The following OPRPN variants were observed in gnomAD, a reference collection of about 807,000 sequenced individuals.
OPRPN encodes the protein basic proline-rich lacrimal protein.
Under a neutral mutation model 2.2 loss-of-function variants are expected in OPRPN, and 1 was observed. The observed-to-expected ratio is 0.45, with a 90% CI of 0.16 to 2.15. OPRPN has a LOEUF of 2.15. Among genes scored for constraint, OPRPN ranks in the 30% most tolerant of loss-of-function variants. The probability of loss-of-function intolerance (pLI) is 0.28; values close to 1 mark genes in which losing one functional copy is unlikely to be tolerated. For synonymous variants in OPRPN, 126 were observed against 111.5 expected, an observed-to-expected ratio of 1.13 and a Z score of -0.82; for missense variants, 306 against 297.3, an observed-to-expected ratio of 1.03 and a Z score of -0.21.
In OPRPN at chr4:70,399,284, GA is replaced by G; in HGVS notation, c.1del. ...GCCTGTTTGTAGGAGCAACTTTAAAGAATGAAATTAACTTTCTTCTTGGGCC... is the reference window on the plus strand; with the variant it reads ...GCCTGTTTGTAGGAGCAACTTTAAAGATGAAATTAACTTTCTTCTTGGGCC... On this transcript the variant is annotated 5_prime_UTR_variant, in exon 2 of 3. Coordinates refer to ENST00000399575, the MANE Select transcript of OPRPN (RefSeq NM_021225.5). 6.2e-7 allele frequency: 1 copy of G among 1,601,498 alleles called. No individual in the cohort carries two copies. The highest frequency in any genetic ancestry group is 8.5e-7 in the Non-Finnish European group (1 of 1,170,518).
At chr4:70,409,351 G>T in intron 2 of OPRPN, 29 bp from the exon 3 acceptor site, 1 of 1,531,916 alleles carries the variant, frequency 6.5e-7, no homozygotes, top group Non-Finnish European at 8.8e-7. Context: ...TAGAAATTTT[G>T]TTTTTTACCT....
intron 2 of OPRPN, among the ~76,000 whole-genome samples, chr4:70,408,374 C>T (rs564919044): frequency 3.3e-5 from 5 of 152,302 alleles, no homozygotes; most frequent in East Asian, 1.9e-4. Flanking sequence ...TCTTCCTCCT[C>T]ATTTCTACCC....
chr4:70,409,479 C>T lies in OPRPN; in HGVS notation c.151C>T (p.Pro51Ser). 1 of 1,614,022 alleles carries T rather than the reference C, an allele frequency of 6.2e-7. No individual in the cohort carries two copies. The highest frequency in any genetic ancestry group is 8.5e-7 in the Non-Finnish European group (1 of 1,179,914). The change falls in exon 3 of 3, where the codon CCT becomes TCT. Residue 51 changes from proline to serine, a missense_variant. Transcript: ENST00000399575. Reference sequence around the variant, plus strand: ...AAGATGGGTTCCACCAAGTCCCCCACCTCCCTATGACTCAAGACTTAATTC... The same window carrying T: ...AAGATGGGTTCCACCAAGTCCCCCATCTCCCTATGACTCAAGACTTAATTC... ...RPRWVPPSPP[P>S]PYDSRLNSPL...
chr4:70,406,898 C>T (rs193007092), intron 2 of OPRPN, among the ~76,000 whole-genome samples: 84 of 152,112 alleles, frequency 5.5e-4, no homozygotes, highest in Admixed American at 4.6e-3. Flanking sequence ...ACATGCCTGG[C>T]CAGGTTCTCA....
Position 70,409,574 on chromosome 4 carries a change from C to T in OPRPN, c.246C>T (p.Val82=), listed in dbSNP as rs1432135878. 1.9e-6 allele frequency: 3 copies of T among 1,613,794 alleles called. No homozygotes were observed. The highest frequency in any genetic ancestry group is 2.5e-6 in the Non-Finnish European group (3 of 1,179,726). Residue 82 remains valine (V), a synonymous_variant, in exon 3 of 3, where the codon GTC becomes GTT. Transcript: ENST00000399575. The part of the protein sequence containing the change: ...PSSFSRFSQA[V]ILSQLFPLES... ...CTTTCTCTCGATTTAGCCAAGCAGT[C>T]ATTCTATCTCAACTCTTTCCATTGG...
intron 2 of OPRPN, among the ~76,000 whole-genome samples, chr4:70,402,535 C>T (rs1412067163): frequency 1.3e-5 from 2 of 151,996 alleles, no homozygotes; most frequent in Non-Finnish European, 1.5e-5. Context: ...TTGCCAGGCA[C>T]TATTCTAGAT....
chr4:70,399,135 A>C (rs1732919501), intron 1 of OPRPN, 136 bp from the exon 2 acceptor site: 1 of 529,518 alleles, frequency 1.9e-6, no homozygotes, highest in Non-Finnish European at 3.3e-6. Flanking sequence ...CAAAATATCA[A>C]ACACATCTTT....
At chr4:70,400,897 G>A (rs1732970823) in intron 2 of OPRPN, among the ~76,000 whole-genome samples, 1 of 151,944 alleles carries the variant, frequency 6.6e-6, no homozygotes, top group South Asian at 2.1e-4. Flanking sequence ...GGTAAAGAAA[G>A]ATCCATGATC....
chr4:70,401,902 T>C (rs1029649585), intron 2 of OPRPN, among the ~76,000 whole-genome samples: 2 of 152,126 alleles, frequency 1.3e-5, no homozygotes, highest in African/African-American at 4.8e-5. Flanking sequence ...TCCACTAAAC[T>C]GCTGTCAGCT....
At chr4:70,408,353 C>G (rs1192241040) in intron 2 of OPRPN, among the ~76,000 whole-genome samples, 2 of 152,248 alleles carry the variant, frequency 1.3e-5, no homozygotes, top group South Asian at 4.1e-4. Flanking sequence ...TGATATTATC[C>G]TAATTTGGCT....
In OPRPN at chr4:70,409,850, G is replaced by A. The variant is rs749815072; in HGVS notation, c.522G>A (p.Thr174=). 1.3e-5 allele frequency: 21 copies of A among 1,611,904 alleles called. No individual in the cohort carries two copies. In the Admixed American group the frequency reaches 3.0e-4, roughly 23 times the overall value. The part of the protein sequence containing the change: ...TTSTSTKPTM[T]ISSSTVPISS... ...GCACTTCCACAAAACCCACAATGAC[G>A]ATCAGCTCCTCAACAGTACCTATCT... Residue 174 remains threonine, a synonymous_variant, in exon 3 of 3, where the codon ACG becomes ACA. Transcript: ENST00000399575.
chr4:70,409,460 G>C lies in OPRPN; in HGVS notation c.132G>C (p.Trp44Cys). Residue 44 changes from tryptophan to cysteine, a missense_variant, in exon 3 of 3, where the codon TGG (tryptophan) becomes TGC (cysteine). By Grantham distance (215) the Trp-to-Cys change is radical. Transcript: ENST00000399575. ...LPPPPLYRPR[W>C]VPPSPPPPYD... Reference sequence around the variant, plus strand: ...CACCTCCACTCTACAGGCCAAGATGGGTTCCACCAAGTCCCCCACCTCCCT... The same window carrying C: ...CACCTCCACTCTACAGGCCAAGATGCGTTCCACCAAGTCCCCCACCTCCCT... The C allele has an allele frequency of 6.2e-7, 1 of 1,613,942 alleles. No individual in the cohort carries two copies. Among genetic ancestry groups the C allele is most frequent in the Non-Finnish European group, 8.5e-7 (1 of 1,179,968 alleles).
chr4:70,408,917 AAAG>A, intron 2 of OPRPN, among the ~76,000 whole-genome samples: 1 of 152,314 alleles, frequency 6.6e-6, no homozygotes, highest in South Asian at 2.1e-4. Flanking sequence ...TTGTCCCTAG[AAAG>A]AAGTGTTGCA....
Position 70,409,871 on chromosome 4 carries a change from T to C in OPRPN, c.543T>C (p.Pro181=), listed in dbSNP as rs76971467. The change falls in exon 3 of 3, where the codon CCT becomes CCC. Residue 181 remains proline (P), a synonymous_variant. Coordinates refer to ENST00000399575, the MANE Select transcript of OPRPN (RefSeq NM_021225.5). ...PTMTISSSTV[P]ISSTPEPATS... ...TGACGATCAGCTCCTCAACAGTACC[T>C]ATCTCTTCAACACCAGAGCCTGCCA... 6,367 of 1,613,414 alleles carry C rather than the reference T, an allele frequency of 3.9e-3. 45 individuals carry two copies. The highest frequency in any genetic ancestry group is 0.021 in the African/African-American group (1,588 of 74,872).
intron 2 of OPRPN, among the ~76,000 whole-genome samples, chr4:70,406,953 A>C (rs62322517): frequency 0.22 from 33,308 of 152,128 alleles, 4,167 homozygotes; most frequent in East Asian, 0.41. Flanking sequence ...CAATGCAAGA[A>C]TAAATATAAA....
chr4:70,410,164 C>A lies in OPRPN; in HGVS notation c.*89C>A. 1 of 934,864 alleles carries A rather than the reference C, an allele frequency of 1.1e-6. No individual in the cohort carries two copies. Among genetic ancestry groups the A allele is most frequent in the Non-Finnish European group, 1.5e-6 (1 of 653,264 alleles). 57.9% of individuals were successfully genotyped at this position (934,864 alleles called of 1,614,324 possible). A position where few individuals can be genotyped will look rare whatever the true frequency, so the allele number is the denominator to read the frequency against. On this transcript the variant is annotated 3_prime_UTR_variant, in exon 3 of 3. Transcript: ENST00000399575. ...TTTGATGGAACCAACCCTGATCTAA[C>A]CAGCACACTAAATAAAGTATTTGAG...
intron 2 of OPRPN, 36 bp from the exon 3 acceptor site, chr4:70,409,344 A>G (rs1693527281): frequency 1.3e-6 from 2 of 1,506,238 alleles, no homozygotes; most frequent in South Asian, 1.3e-5. Context: ...TCAAATTTAG[A>G]AATTTTGTTT....
At chr4:70,399,401 T>G in intron 2 of OPRPN, 65 bp downstream of exon 2, 1 of 1,375,320 alleles carries the variant, frequency 7.3e-7, no homozygotes, top group Non-Finnish European at 1.0e-6. Context: ...CAAAGAAAGT[T>G]TTGATACCAA....
At chr4:70,406,099 C>A (rs1733085910) in intron 2 of OPRPN, among the ~76,000 whole-genome samples, 1 of 151,828 alleles carries the variant, frequency 6.6e-6, no homozygotes, top group Non-Finnish European at 1.5e-5. Flanking sequence ...CTCCAACGTG[C>A]CAGAAACTGG....
Sources: gnomAD v4.1 joint callset for allele counts (sites outside exome capture counted in the v4.1 genomes callset) on GRCh38, gnomAD v4.1.1 for gene constraint, MANE v1.5 for transcripts, NCBI Gene and HGNC (gene_info 2026-07-23, HGNC 2026-07-21) for gene names.